The following SLC7A7 variants were observed in gnomAD, a reference collection of about 807,000 sequenced individuals.
SLC7A7 encodes Y+L amino acid transporter 1.
A neutral mutation model predicts 47.9 loss-of-function variants in SLC7A7; 39 were observed. The ratio of observed to expected loss-of-function variants is 0.81; its 90% CI spans 0.63 to 1.06. The LOEUF (loss-of-function observed/expected upper bound fraction) is 1.06, where lower values mean the gene tolerates loss of function less well. SLC7A7 is among the 50% of genes least tolerant of loss of function. The pLI is 0.00. For synonymous variants in SLC7A7, 234 were observed against 242.8 expected (o/e 0.96, Z 0.34); for missense variants, 588 against 632.0 (o/e 0.93, Z 0.75).
intron 2 of SLC7A7, among the ~76,000 whole-genome samples, chr14:22,797,354 T>C (rs1303080126): frequency 6.6e-6 from 1 of 152,196 alleles, no homozygotes; most frequent in Non-Finnish European, 1.5e-5. Context: ...CAACCATTTC[T>C]ACTACCCTAG....
intron 2 of SLC7A7, among the ~76,000 whole-genome samples, chr14:22,810,060 AAAAG>A (rs1216136744): frequency 1.4e-5 from 2 of 138,100 alleles, no homozygotes; most frequent in South Asian, 2.3e-4. Flanking sequence ...AAAAAAAAAA[AAAAG>A]CAGCAACAGC....
At chr14:22,787,702 G>A (rs2139411572) in intron 2 of SLC7A7, among the ~76,000 whole-genome samples, 1 of 152,226 alleles carries the variant, frequency 6.6e-6, no homozygotes, top group Non-Finnish European at 1.5e-5. Flanking sequence ...GTTGCACTGA[G>A]CCAAGATTGT....
At position 22,775,847 on chromosome 14, in the gene SLC7A7, A is replaced by G. The variant is rs1354497731; in HGVS notation, c.984T>C (p.Ile328=). 1 of 1,613,852 alleles carries G rather than the reference A, an allele frequency of 6.2e-7. No individual in the cohort carries two copies. The highest frequency in any genetic ancestry group is 1.3e-5 in the African/African-American group (1 of 75,062). ...LSCFGGLNAS[I]VAASRLFFVG... ...GCCACTCTTACCTAGAAGCAGCCAC[A>G]ATGGAGGCATTGAGGCCACCAAAAC... The change falls in exon 6 of 10, where the codon ATT becomes ATC. Residue 328 remains isoleucine (I), a synonymous_variant. Coordinates refer to ENST00000674313, the MANE Select transcript of SLC7A7 (RefSeq NM_003982.4).
At chr14:22,781,024 A>G (rs1416548520) in intron 2 of SLC7A7, among the ~76,000 whole-genome samples, 1 of 152,114 alleles carries the variant, frequency 6.6e-6, no homozygotes, top group East Asian at 1.9e-4. Context: ...AAGTTGGAAA[A>G]AAAAATACAG....
At chr14:22,810,462 CAA>C (rs59569324) in intron 2 of SLC7A7, among the ~76,000 whole-genome samples, 4 of 95,660 alleles carry the variant, frequency 4.2e-5, no homozygotes, top group Non-Finnish European at 4.0e-5. Context: ...AACTCCATCT[CAA>C]AAAAAAAAAA....
At position 22,773,970 on chromosome 14, in the gene SLC7A7, T is replaced by G; in HGVS notation, c.1392A>C (p.Pro464=). Residue 464 remains proline, a synonymous_variant, in exon 9 of 10, where the codon CCA becomes CCC. Coordinates refer to ENST00000674313, the MANE Select transcript of SLC7A7 (RefSeq NM_003982.4). ...GGAGGTAAAGCGGTCGCTTATGTTC[T>G]GGCACTCTGATGATGAGGAAGTAAA... ...LPFYFLIIRV[P]EHKRPLYLRR... is the part of the protein sequence containing the mutation. The G allele has an allele frequency of 6.2e-7, 1 of 1,614,194 alleles. No individual in the cohort carries two copies. Among genetic ancestry groups the G allele is most frequent in the Non-Finnish European group, 8.5e-7 (1 of 1,180,034 alleles).
At chr14:22,776,819 A>G (rs2038618063) in intron 4 of SLC7A7, among the ~76,000 whole-genome samples, 1 of 152,088 alleles carries the variant, frequency 6.6e-6, no homozygotes, top group African/African-American at 2.4e-5. Context: ...AATATAAATA[A>G]TTAGCCAGGC....
chr14:22,801,105 A>G (rs1041367694), intron 2 of SLC7A7, among the ~76,000 whole-genome samples: 4 of 152,062 alleles, frequency 2.6e-5, no homozygotes, highest in African/African-American at 9.7e-5. Context: ...AAAAATGACT[A>G]CTGTTTTAAG....
chr14:22,808,419 T>G (rs1287984305), intron 2 of SLC7A7, among the ~76,000 whole-genome samples: 2 of 152,220 alleles, frequency 1.3e-5, no homozygotes, highest in Non-Finnish European at 2.9e-5. Context: ...GCCCTTCTCT[T>G]GCTAAATCTG....
chr14:22,814,642 C>T (rs1860911987), intron 1 of SLC7A7: 1 of 152,206 alleles, frequency 6.6e-6, no homozygotes, highest in Non-Finnish European at 1.5e-5. Context: ...CGTCTTCCCT[C>T]CAATTTCAGC....
rs764231324 is a variant in SLC7A7 at position 22,774,029 on chromosome 14, T to C, written c.1333A>G (p.Ile445Val). The change falls in exon 9 of 10, where the codon ATC (isoleucine) becomes GTC (valine). Residue 445 changes from isoleucine to valine, a missense_variant. Coordinates refer to ENST00000674313, the MANE Select transcript of SLC7A7 (RefSeq NM_003982.4). ...PLYSDTINSL[I>V]GIAIALSGLP... ...CCTGAGAGGGCAATGGCAATGCCGATGAGGGAGTTGATAGTATCACTGTAA... is the reference window on the plus strand; with the variant it reads ...CCTGAGAGGGCAATGGCAATGCCGACGAGGGAGTTGATAGTATCACTGTAA... 3 of 1,614,086 alleles carry C rather than the reference T, an allele frequency of 1.9e-6. No homozygotes were observed. The highest frequency in any genetic ancestry group is 4.5e-5 in the East Asian group (2 of 44,878).
chr14:22,789,958 T>A, intron 2 of SLC7A7, among the ~76,000 whole-genome samples: 1 of 152,136 alleles, frequency 6.6e-6, no homozygotes, highest in East Asian at 1.9e-4. Flanking sequence ...ACTTCTGACC[T>A]CCAGAATTAT....
chr14:22,793,638 C>T (rs1021525370), intron 2 of SLC7A7, among the ~76,000 whole-genome samples: 1 of 151,964 alleles, frequency 6.6e-6, no homozygotes, highest in African/African-American at 2.4e-5. Context: ...ATGGTGAAAA[C>T]CTGTCTCTAC....
At chr14:22,811,844 C>CAAAAAAAAA (rs57356836) in intron 2 of SLC7A7, among the ~76,000 whole-genome samples, 2 of 125,184 alleles carry the variant, frequency 1.6e-5, no homozygotes, top group African/African-American at 3.1e-5. Context: ...GACTCTATCT[C>CAAAAAAAAA]AAAAAAAAAA....
intron 2 of SLC7A7, among the ~76,000 whole-genome samples, chr14:22,795,575 C>T (rs1202135498): frequency 2.6e-5 from 4 of 151,482 alleles, no homozygotes; most frequent in African/African-American, 4.9e-5. Flanking sequence ...CCCGGGTTCA[C>T]ACCATTCTCC....
chr14:22,796,405 C>G (rs71412100), intron 2 of SLC7A7, among the ~76,000 whole-genome samples: 1 of 152,142 alleles, frequency 6.6e-6, no homozygotes, highest in East Asian at 1.9e-4. Context: ...CCCACCAGCA[C>G]CCTGAAAGGC....
intron 2 of SLC7A7, among the ~76,000 whole-genome samples, chr14:22,780,855 G>A (rs887136622): frequency 6.6e-6 from 1 of 152,074 alleles, no homozygotes; most frequent in Non-Finnish European, 1.5e-5. Flanking sequence ...TTCTTAGAAA[G>A]GGATCATAGC....
At chr14:22,799,347 C>G (rs1397144355) in intron 2 of SLC7A7, among the ~76,000 whole-genome samples, 1 of 142,236 alleles carries the variant, frequency 7.0e-6, no homozygotes, top group Non-Finnish European at 1.6e-5. Flanking sequence ...GTGGGTATTC[C>G]TCAGAATGCT....
chr14:22,778,973 T>C (rs777344540), intron 3 of SLC7A7, 36 bp from the exon 4 acceptor site: 3 of 1,612,144 alleles, frequency 1.9e-6, no homozygotes, highest in South Asian at 1.1e-5. Context: ...AGGGGATTAG[T>C]GGCTCATTCT....
Sources: gnomAD v4.1 joint callset for allele counts (sites outside exome capture counted in the v4.1 genomes callset) on GRCh38, gnomAD v4.1.1 for gene constraint, MANE v1.5 for transcripts, NCBI Gene and HGNC (gene_info 2026-07-23, HGNC 2026-07-21) for gene names.